Variants in SPINK5 observed in about 807,000 individuals in gnomAD.
The protein encoded by SPINK5 is serine peptidase inhibitor Kazal type 5.
Under a neutral mutation model 151.8 loss-of-function variants are expected in SPINK5, and 125 were observed. The ratio of observed to expected loss-of-function variants is 0.82; its 90% CI spans 0.71 to 0.96. The LOEUF is 0.96. SPINK5 is among the 40% of genes least tolerant of loss of function. SPINK5 has a pLI of 0.00. For synonymous variants in SPINK5, 374 were observed against 395.3 expected (o/e 0.95, Z 0.64); for missense variants, 1,194 against 1,291.9 (o/e 0.92, Z 1.16).
intron 1 of SPINK5, among the ~76,000 whole-genome samples, chr5:148,064,995 T>C (rs904452472): frequency 6.6e-5 from 10 of 152,262 alleles, no homozygotes; most frequent in African/African-American, 2.4e-4. Context: ...TGGTATAGTA[T>C]TTTGTGTGTA....
intron 24 of SPINK5, among the ~76,000 whole-genome samples, chr5:148,119,693 C>G (rs1726924479): frequency 1.3e-5 from 2 of 152,340 alleles, no homozygotes; most frequent in Middle Eastern, 6.8e-3. Flanking sequence ...CGCTGCCTCT[C>G]TCTTTAATGA....
chr5:148,106,900 A>G (rs1201626212), intron 16 of SPINK5, 137 bp from the exon 17 acceptor site: 1 of 1,108,578 alleles, frequency 9.0e-7, no homozygotes, highest in African/African-American at 1.6e-5. Flanking sequence ...GAAGCTTTGT[A>G]AATACTTACT....
intron 8 of SPINK5, among the ~76,000 whole-genome samples, chr5:148,092,309 A>G (rs1753332506): frequency 1.3e-5 from 2 of 151,962 alleles, no homozygotes; most frequent in Non-Finnish European, 2.9e-5. Context: ...GAAGGTTTAC[A>G]TTTAGGAAAA....
intron 4 of SPINK5, among the ~76,000 whole-genome samples, chr5:148,079,130 G>A (rs1752956492): frequency 6.6e-6 from 1 of 150,848 alleles, no homozygotes. Flanking sequence ...GGCTTATGAT[G>A]AATATTATGA....
intron 23 of SPINK5, 145 bp downstream of exon 23, chr5:148,118,709 T>C (rs1754168836): frequency 6.4e-6 from 8 of 1,243,288 alleles, no homozygotes; most frequent in Non-Finnish European, 9.0e-6. Flanking sequence ...TCTTGCGTTC[T>C]CTAAGGAACA....
intron 22 of SPINK5, among the ~76,000 whole-genome samples, chr5:148,117,407 C>A (rs1754123733): frequency 6.6e-6 from 1 of 152,120 alleles, no homozygotes; most frequent in Non-Finnish European, 1.5e-5. Context: ...GCACTAGAGA[C>A]CTGCACATTT....
At chr5:148,112,685 A>AAAC (rs1753972428) in intron 19 of SPINK5, among the ~76,000 whole-genome samples, 183 bp from the exon 20 acceptor site, 1 of 151,556 alleles carries the variant, frequency 6.6e-6, no homozygotes, top group Non-Finnish European at 1.5e-5. Flanking sequence ...AAAAAACCAA[A>AAAC]AAACAAACAA....
intron 4 of SPINK5, among the ~76,000 whole-genome samples, chr5:148,076,538 C>T (rs181664864): frequency 1.5e-4 from 22 of 151,416 alleles, no homozygotes. Flanking sequence ...CAGTTTTCAC[C>T]AAAAGTTATA....
intron 26 of SPINK5, among the ~76,000 whole-genome samples, chr5:148,122,259 T>C (rs772548135): frequency 2.0e-4 from 30 of 152,176 alleles, no homozygotes; most frequent in Non-Finnish European, 3.8e-4. Flanking sequence ...TGTGGTATTG[T>C]GAGCACCTGG....
At chr5:148,064,509 T>A (rs904421068) in intron 1 of SPINK5, among the ~76,000 whole-genome samples, 2 of 152,224 alleles carry the variant, frequency 1.3e-5, no homozygotes, top group South Asian at 4.1e-4. Flanking sequence ...TTTTTTAAAA[T>A]TCAATCATCT....
intron 8 of SPINK5, among the ~76,000 whole-genome samples, chr5:148,091,453 T>C (rs1458791153): frequency 6.6e-6 from 1 of 151,798 alleles, no homozygotes; most frequent in Non-Finnish European, 1.5e-5. Flanking sequence ...AGTTTCCACC[T>C]GTGTTTCTCC....
chr5:148,113,962 A>T (rs1300445703), intron 20 of SPINK5, among the ~76,000 whole-genome samples: 4 of 152,202 alleles, frequency 2.6e-5, no homozygotes, highest in Non-Finnish European at 5.9e-5. Context: ...TCCTCATTGA[A>T]TTTCAACTTG....
chr5:148,128,312 C>T (rs1484091107), intron 30 of SPINK5, among the ~76,000 whole-genome samples: 1 of 152,002 alleles, frequency 6.6e-6, no homozygotes, highest in Non-Finnish European at 1.5e-5. Context: ...ACAAAGTGAT[C>T]ATACCTGTGA....
At chr5:148,089,425 A>C in intron 6 of SPINK5, 69 bp from the exon 7 acceptor site, 1 of 1,608,488 alleles carries the variant, frequency 6.2e-7, no homozygotes. Context: ...AGTTCAATAA[A>C]ATTTCTGAAA....
chr5:148,114,355 C>T lies in SPINK5; in HGVS notation c.1888-7C>T, dbSNP rs1289483132. ...ACTCAAGCTTTCTCCTTTTCTTTTC[C>T]TTTTAGGAGACATGCGATGAATTTC... On this transcript the variant is annotated splice_region_variant and splice_polypyrimidine_tract_variant and intron_variant, in intron 20 of 32. Transcript: ENST00000256084. 3 of 1,608,344 alleles carry T rather than the reference C, an allele frequency of 1.9e-6. No individual in the cohort carries two copies. Among genetic ancestry groups the T allele is most frequent in the Admixed American group, 1.7e-5 (1 of 59,672 alleles).
intron 4 of SPINK5, among the ~76,000 whole-genome samples, chr5:148,086,129 C>A (rs983280221): frequency 2.0e-5 from 3 of 151,900 alleles, no homozygotes; most frequent in Non-Finnish European, 4.4e-5. Flanking sequence ...GACAGACGAA[C>A]AACATGCCAA....
chr5:148,127,224 T>C, intron 30 of SPINK5, 145 bp downstream of exon 30: 1 of 656,374 alleles, frequency 1.5e-6, no homozygotes, highest in South Asian at 1.9e-5. Context: ...TATATGCAGT[T>C]TATGCTTGGT....
At chr5:148,064,990 T>C (rs1374931010) in intron 1 of SPINK5, among the ~76,000 whole-genome samples, 1 of 152,144 alleles carries the variant, frequency 6.6e-6, no homozygotes, top group African/African-American at 2.4e-5. Context: ...ATAATTGGTA[T>C]AGTATTTTGT....
chr5:148,071,650 T>TA (rs1752740106), intron 3 of SPINK5, among the ~76,000 whole-genome samples: 1 of 144,952 alleles, frequency 6.9e-6, no homozygotes, highest in East Asian at 2.1e-4. Flanking sequence ...TTTTATGACT[T>TA]ACGTAAATTA....
Sources: gnomAD v4.1 joint callset for allele counts (sites outside exome capture counted in the v4.1 genomes callset) on GRCh38, gnomAD v4.1.1 for gene constraint, MANE v1.5 for transcripts, NCBI Gene and HGNC (gene_info 2026-07-23, HGNC 2026-07-21) for gene names.